CNTNAP2: variants seen among roughly 807,000 people sequenced by gnomAD.
The protein encoded by CNTNAP2 is contactin-associated protein-like 2.
A neutral mutation model predicts 155.2 loss-of-function variants in CNTNAP2; 98 were observed. That is an observed-to-expected ratio of 0.63 (90% CI 0.54 to 0.75). The LOEUF is 0.75. Among genes scored for constraint, CNTNAP2 ranks in the 30% least tolerant of loss-of-function variants. CNTNAP2 has a pLI of 0.00. For missense variants in CNTNAP2, 1,727 were observed against 1,688.1 expected (o/e 1.02, Z -0.40); for synonymous variants, 651 against 631.2 (o/e 1.03, Z -0.47).
In CNTNAP2 at chr7:147,767,815, T is replaced by C. The variant is rs1486958942; in HGVS notation, c.2098+128509T>C. ...TTCTTACAGGAAAAATAAGCCACAG[T>C]TATAGTTGCATCATTTGTCAAGAGA... On this transcript the variant is annotated intron_variant, in intron 13 of 23. Coordinates refer to ENST00000361727, the MANE Select transcript of CNTNAP2 (RefSeq NM_014141.6). Among the ~76,000 whole-genome samples the C allele has an allele frequency of 2.0e-5, 3 of 152,056 alleles. No homozygotes were observed. In the South Asian group the frequency reaches 6.2e-4, roughly 31 times the overall value.
intron 13 of CNTNAP2, among the ~76,000 whole-genome samples, chr7:147,665,935 G>C (rs1795686525): frequency 6.6e-6 from 1 of 152,146 alleles, no homozygotes; most frequent in African/African-American, 2.4e-5. Context: ...ACTATCAGCA[G>C]AGGATGAGAA....
chr7:147,987,973 G>A (rs1248676970), intron 15 of CNTNAP2, among the ~76,000 whole-genome samples: 2 of 152,188 alleles, frequency 1.3e-5, no homozygotes, highest in African/African-American at 4.8e-5. Context: ...GGGATTACAT[G>A]CATGAGCCAC....
intron 1 of CNTNAP2, among the ~76,000 whole-genome samples, chr7:146,229,470 G>A (rs1005271516): frequency 2.0e-5 from 3 of 152,068 alleles, no homozygotes; most frequent in Non-Finnish European, 2.9e-5. Flanking sequence ...GAATAAGGAC[G>A]GCCTAATCCA....
chr7:146,155,920 TCTCAAACTCCTGGC>T (rs897793185), intron 1 of CNTNAP2, among the ~76,000 whole-genome samples: 18 of 151,990 alleles, frequency 1.2e-4, no homozygotes, highest in African/African-American at 4.3e-4. Context: ...GTCAGGCTGG[TCTCAAACTCCTGGC>T]CTCAGGTGAT....
At position 146,309,502 on chromosome 7, in the gene CNTNAP2, G is replaced by A. The variant is rs114518648; in HGVS notation, c.97+192529G>A. 7.0e-3 allele frequency among the ~76,000 whole-genome samples: 1,066 copies of A among 152,186 alleles called. 13 individuals carry two copies. Among genetic ancestry groups the A allele is most frequent in the African/African-American group, 0.024 (1,008 of 41,512 alleles). On this transcript the variant is annotated intron_variant, in intron 1 of 23. Transcript: ENST00000361727. The stretch of plus-strand genomic sequence containing the variant: ...CACACTAATTCTAAATCAGACTTCT[G>A]TTAAGAAAGGAGAAATAGGTGGGGC...
At chr7:147,254,383 A>T (rs1001463630) in intron 8 of CNTNAP2, among the ~76,000 whole-genome samples, 2 of 152,210 alleles carry the variant, frequency 1.3e-5, no homozygotes, top group African/African-American at 4.8e-5. Context: ...CAATAATAGG[A>T]AAAATGTATC....
chr7:148,006,679 C>T (rs368856023), intron 15 of CNTNAP2, among the ~76,000 whole-genome samples: 4 of 148,554 alleles, frequency 2.7e-5, no homozygotes, highest in Non-Finnish European at 5.9e-5. Context: ...GGCTTACAGA[C>T]TTGACTCTGA....
At chr7:147,270,737 A>G (rs1013721061) in intron 8 of CNTNAP2, among the ~76,000 whole-genome samples, 1 of 152,168 alleles carries the variant, frequency 6.6e-6, no homozygotes, top group Non-Finnish European at 1.5e-5. Flanking sequence ...TGTATTATAC[A>G]TTGTTTCTGC....
chr7:147,592,970 A>T (rs1186762800), intron 12 of CNTNAP2, among the ~76,000 whole-genome samples: 1 of 152,198 alleles, frequency 6.6e-6, no homozygotes, highest in Non-Finnish European at 1.5e-5. Context: ...GCAGGATGCG[A>T]GGCAAAGACT....
intron 2 of CNTNAP2, among the ~76,000 whole-genome samples, chr7:146,815,588 A>G (rs1012317277): frequency 3.3e-5 from 5 of 152,146 alleles, no homozygotes; most frequent in Non-Finnish European, 5.9e-5. Flanking sequence ...ATCCATATAT[A>G]TTTTTTAATT....
At chr7:146,877,615 A>ATG (rs909416983) in intron 3 of CNTNAP2, among the ~76,000 whole-genome samples, 3 of 139,782 alleles carry the variant, frequency 2.1e-5, no homozygotes, top group Non-Finnish European at 4.8e-5. Flanking sequence ...TATACTATAT[A>ATG]TGTGTGTGTA....
At chr7:146,922,727 G>C (rs932619989) in intron 3 of CNTNAP2, among the ~76,000 whole-genome samples, 9 of 151,996 alleles carry the variant, frequency 5.9e-5, no homozygotes, top group Non-Finnish European at 1.2e-4. Flanking sequence ...TTTGTAAATT[G>C]GAAGTAATAA....
At chr7:148,322,793 T>G (rs527772587) in intron 21 of CNTNAP2, among the ~76,000 whole-genome samples, 1,357 of 106,506 alleles carry the variant, frequency 0.013, 9 homozygotes, top group Non-Finnish European at 0.02. Context: ...TGTTGTTTTT[T>G]GGGGTTTTTT....
chr7:146,358,678 C>A (rs142333742), intron 1 of CNTNAP2, among the ~76,000 whole-genome samples: 1 of 152,062 alleles, frequency 6.6e-6, no homozygotes, highest in African/African-American at 2.4e-5. Flanking sequence ...GAGTGTTAAC[C>A]AGTTTGAAGA....
chr7:146,974,781 T>G (rs1797875054), intron 3 of CNTNAP2, among the ~76,000 whole-genome samples: 1 of 151,518 alleles, frequency 6.6e-6, no homozygotes, highest in Non-Finnish European at 1.5e-5. Context: ...GGTGGATAAC[T>G]TGAACTCAGT....
intron 1 of CNTNAP2, among the ~76,000 whole-genome samples, chr7:146,156,893 C>T (rs1049688879): frequency 4.6e-5 from 7 of 152,324 alleles, no homozygotes; most frequent in South Asian, 2.1e-4. Context: ...TCAGCCACTG[C>T]GCCCAGCTGC....
At chr7:146,972,573 A>T (rs923758620) in intron 3 of CNTNAP2, among the ~76,000 whole-genome samples, 1 of 152,194 alleles carries the variant, frequency 6.6e-6, no homozygotes, top group Non-Finnish European at 1.5e-5. Flanking sequence ...ATAATGATGT[A>T]ACAAATTTTT....
At chr7:147,090,469 A>G (rs1182061720) in intron 4 of CNTNAP2, among the ~76,000 whole-genome samples, 1 of 152,066 alleles carries the variant, frequency 6.6e-6, no homozygotes, top group Non-Finnish European at 1.5e-5. Flanking sequence ...TTTATTTTAC[A>G]CTTGCTCAAG....
At chr7:146,380,943 C>G (rs1195070351) in intron 1 of CNTNAP2, among the ~76,000 whole-genome samples, 31 of 150,362 alleles carry the variant, frequency 2.1e-4, no homozygotes, top group Middle Eastern at 3.4e-3. Context: ...GGACTACAGG[C>G]GCCCGCCACC....
Sources: allele counts gnomAD v4.1 joint callset (sites outside exome capture counted in the v4.1 genomes callset), GRCh38; gene constraint gnomAD v4.1.1; transcripts MANE v1.5; gene names NCBI Gene and HGNC (gene_info 2026-07-23, HGNC 2026-07-21).